Variants in EPDR1 observed in about 807,000 individuals in gnomAD.
EPDR1 encodes mammalian ependymin-related protein 1.
A neutral mutation model predicts 23.7 loss-of-function variants in EPDR1; 27 were observed. The observed-to-expected ratio is 1.14, with a 90% CI of 0.84 to 1.57. The LOEUF (loss-of-function observed/expected upper bound fraction) is 1.57, where lower values mean the gene tolerates loss of function less well. EPDR1 is among the 40% of genes most tolerant of loss of function. The probability of loss-of-function intolerance (pLI) is 0.00; values close to 1 mark genes in which losing one functional copy is unlikely to be tolerated. For synonymous variants in EPDR1, 137 were observed against 118.2 expected (o/e 1.16, Z -1.03); for missense variants, 349 against 290.4 (o/e 1.20, Z -1.47).
chr7:37,921,388 G>A, intron 1 of EPDR1, 180 bp downstream of exon 1: 1 of 1,390,134 alleles, frequency 7.2e-7, no homozygotes, highest in Non-Finnish European at 9.3e-7. Flanking sequence ...TGGGAGGGGC[G>A]CTGCGCCCAC....
chr7:37,940,510 T>C (rs562600577), intron 1 of EPDR1, among the ~76,000 whole-genome samples: 1 of 152,306 alleles, frequency 6.6e-6, no homozygotes, highest in South Asian at 2.1e-4. Flanking sequence ...AGGCTTATTC[T>C]AAGTAAATTT....
chr7:37,936,711 A>ATGT (rs1465907691), intron 1 of EPDR1, among the ~76,000 whole-genome samples: 1 of 152,146 alleles, frequency 6.6e-6, no homozygotes, highest in African/African-American at 2.4e-5. Flanking sequence ...GTGTCATTTA[A>ATGT]AACAGCAACA....
intron 1 of EPDR1, among the ~76,000 whole-genome samples, chr7:37,947,424 A>G (rs980323798): frequency 1.3e-5 from 2 of 152,212 alleles, no homozygotes; most frequent in Non-Finnish European, 2.9e-5. Flanking sequence ...CTCAGAACAT[A>G]AGCCTATCAT....
At chr7:37,926,478 CAAAAAAA>C in intron 1 of EPDR1, among the ~76,000 whole-genome samples, 1 of 120,464 alleles carries the variant, frequency 8.3e-6, no homozygotes, top group African/African-American at 3.0e-5. Flanking sequence ...TTCTTCATAG[CAAAAAAA>C]AAAAAAAAAA....
chr7:37,949,235 C>T (rs1359154863), intron 2 of EPDR1, among the ~76,000 whole-genome samples, 187 bp downstream of exon 2: 1 of 152,180 alleles, frequency 6.6e-6, no homozygotes, highest in Non-Finnish European at 1.5e-5. Flanking sequence ...ATATTTGAAA[C>T]ACCTCAGCCT....
At chr7:37,921,342 C>A (rs775712471) in intron 1 of EPDR1, 134 bp downstream of exon 1, 2 of 1,418,990 alleles carry the variant, frequency 1.4e-6, no homozygotes, top group Non-Finnish European at 1.8e-6. Context: ...AGATCTTTCG[C>A]GAGGAGGGTC....
At chr7:37,921,343 G>T (rs762737049) in intron 1 of EPDR1, 135 bp downstream of exon 1, 2 of 1,421,648 alleles carry the variant, frequency 1.4e-6, no homozygotes, top group Non-Finnish European at 1.8e-6. Context: ...GATCTTTCGC[G>T]AGGAGGGTCT....
rs180770875 is a variant in EPDR1, at chr7:37,934,008, G to T, written c.269+12800G>T. 4.4e-3 allele frequency among the ~76,000 whole-genome samples: 604 copies of T among 137,312 alleles called. 5 individuals are homozygous for T. The highest frequency in any genetic ancestry group is 0.015 in the African/African-American group (532 of 36,354). 90.1% of individuals were successfully genotyped at this position (137,312 alleles called of 152,430 possible). Reference sequence around the variant, plus strand: ...TTTTTTTTTTTTGAGACGGAGTCTCGCTCTGTCACCTAGGCTGGAGTGCAG... The same window carrying T: ...TTTTTTTTTTTTGAGACGGAGTCTCTCTCTGTCACCTAGGCTGGAGTGCAG... On this transcript the variant is annotated intron_variant, in intron 1 of 2. Coordinates refer to ENST00000199448, the MANE Select transcript of EPDR1 (RefSeq NM_017549.5).
chr7:37,949,005 G>T lies in EPDR1; in HGVS notation c.435G>T (p.Gln145His). 6.2e-7 allele frequency: 1 copy of T among 1,614,182 alleles called. No individual in the cohort carries two copies. The highest frequency in any genetic ancestry group is 8.5e-7 in the Non-Finnish European group (1 of 1,180,036). The change falls in exon 2 of 3, where the codon CAG (glutamine) becomes CAT (histidine). Residue 145 changes from glutamine (Q) to histidine (H), a missense_variant. Coordinates refer to ENST00000199448, the MANE Select transcript of EPDR1 (RefSeq NM_017549.5). Reference sequence around the variant, plus strand: ...ACTCCATCGGGGGGCCTCAGGAGCAGATCACCGTCCAGGAGTGGTCGGACA... The same window carrying T: ...ACTCCATCGGGGGGCCTCAGGAGCATATCACCGTCCAGGAGTGGTCGGACA... ...DQYSIGGPQE[Q>H]ITVQEWSDRK...
intron 1 of EPDR1, among the ~76,000 whole-genome samples, chr7:37,931,286 G>T (rs1785933070): frequency 1.3e-5 from 2 of 152,156 alleles, no homozygotes; most frequent in South Asian, 4.1e-4. Context: ...GGCCGAGGCG[G>T]GTGGATCACC....
rs1315850276 is a variant in EPDR1, at chr7:37,951,398, G to A, written c.*1002G>A. ...AAGAGTTGCTCCCAAGCCTGGATGA[G>A]TTGCACCTTGCATCTTGAGCATGCA... On this transcript the variant is annotated 3_prime_UTR_variant, in exon 3 of 3. Coordinates refer to ENST00000199448, the MANE Select transcript of EPDR1 (RefSeq NM_017549.5). 2 of 152,234 alleles carry A rather than the reference G, an allele frequency of 1.3e-5. No individual in the cohort carries two copies. Among genetic ancestry groups the A allele is most frequent in the Non-Finnish European group, 2.9e-5 (2 of 68,036 alleles). The allele number at this position is 152,234 out of a possible 1,614,324, so 9.4% of individuals were successfully genotyped here.
intron 1 of EPDR1, among the ~76,000 whole-genome samples, chr7:37,939,223 C>T (rs1786121336): frequency 6.6e-6 from 1 of 152,118 alleles, no homozygotes; most frequent in Non-Finnish European, 1.5e-5. Flanking sequence ...TCATGATCTG[C>T]CTGCCTCGGC....
At position 37,946,794 on chromosome 7, in the gene EPDR1, GT is replaced by G. The variant is rs897250452; in HGVS notation, c.270-2036del. ...TTTGTGTTGTAATTTTTAACACAAAGTTTTTTTTTTAATAAAATAAATTTTA... is the reference window on the plus strand; with the variant it reads ...TTTGTGTTGTAATTTTTAACACAAAGTTTTTTTTTAATAAAATAAATTTTA... On this transcript the variant is annotated intron_variant, in intron 1 of 2. Coordinates refer to ENST00000199448, the MANE Select transcript of EPDR1 (RefSeq NM_017549.5). 1.2e-3 allele frequency among the ~76,000 whole-genome samples: 177 copies of G among 149,076 alleles called. 1 individual carries two copies. The highest frequency in any genetic ancestry group is 5.9e-3 in the East Asian group (30 of 5,126).
intron 1 of EPDR1, among the ~76,000 whole-genome samples, chr7:37,928,645 C>T (rs977917305): frequency 3.9e-5 from 6 of 152,302 alleles, no homozygotes; most frequent in South Asian, 2.1e-4. Context: ...GATGCACTGT[C>T]TTCACTTGGC....
Position 37,950,378 on chromosome 7 carries a change from C to G in EPDR1, c.657C>G (p.Ser219Arg). 1 of 1,612,774 alleles carries G rather than the reference C, an allele frequency of 6.2e-7. No homozygotes were observed. ...TCQMAQLEKM[S>R]EDCSW is the part of the protein sequence containing the mutation. ...AGATGGCCCAACTGGAGAAGATGAG[C>G]GAAGACTGCTCCTGGTGAGCCTGTG... Residue 219 changes from serine to arginine, a missense_variant, in exon 3 of 3, where the codon AGC (serine) becomes AGG (arginine). Physicochemically the swap from Ser to Arg is moderately radical, Grantham distance 110 (BLOSUM62 -1). Transcript: ENST00000199448.
intron 1 of EPDR1, among the ~76,000 whole-genome samples, chr7:37,947,895 G>T (rs377478733): frequency 2.0e-5 from 3 of 152,188 alleles, no homozygotes; most frequent in Admixed American, 6.5e-5. Context: ...AGGTGGTCAC[G>T]GGAGGAGGCT....
At chr7:37,947,926 A>C (rs1237270127) in intron 1 of EPDR1, among the ~76,000 whole-genome samples, 1 of 152,206 alleles carries the variant, frequency 6.6e-6, no homozygotes. Flanking sequence ...AGAGAAACTC[A>C]GCTAAGGGAG....
At chr7:37,940,604 C>T (rs1455999824) in intron 1 of EPDR1, among the ~76,000 whole-genome samples, 1 of 151,934 alleles carries the variant, frequency 6.6e-6, no homozygotes, top group African/African-American at 2.4e-5. Flanking sequence ...CTTCACTTGG[C>T]AATTTTGTTA....
rs759760101 is a variant in EPDR1, at chr7:37,921,016, CCCTGTGCGG to C, written c.85_93del (p.Gly29_Cys31del). Reference sequence around the variant, plus strand: ...CTGCTGGGCGGCCTCTGGGCCTGGACCCTGTGCGGCCTGTGCAGCCTGGGGGCGGTGGGA... The same window carrying C: ...CTGCTGGGCGGCCTCTGGGCCTGGACCCTGTGCAGCCTGGGGGCGGTGGGA... On this transcript the variant is annotated inframe_deletion, in exon 1 of 3. Transcript: ENST00000199448. The C allele has an allele frequency of 1.3e-6, 2 of 1,524,156 alleles. No homozygotes were observed. Among genetic ancestry groups the C allele is most frequent in the South Asian group, 2.5e-5 (2 of 79,340 alleles). 94.4% of individuals were successfully genotyped at this position (1,524,156 alleles called of 1,614,324 possible). A position where few individuals can be genotyped will look rare whatever the true frequency, so the allele number is the denominator to read the frequency against.
Sources: allele counts gnomAD v4.1 joint callset (sites outside exome capture counted in the v4.1 genomes callset), GRCh38; gene constraint gnomAD v4.1.1; transcripts MANE v1.5; gene names NCBI Gene and HGNC (gene_info 2026-07-23, HGNC 2026-07-21).